Variants in SH3BP5L observed in about 807,000 individuals in gnomAD.
SH3BP5L encodes SH3 domain-binding protein 5-like.
Under a neutral mutation model 40.9 loss-of-function variants are expected in SH3BP5L, and 16 were observed. The ratio of observed to expected loss-of-function variants is 0.39; its 90% CI spans 0.27 to 0.59. SH3BP5L has a LOEUF of 0.59. SH3BP5L is among the 20% of genes least tolerant of loss of function. The pLI is 0.53. For synonymous variants in SH3BP5L, 229 were observed against 226.7 expected, an observed-to-expected ratio of 1.01 and a Z score of -0.09; for missense variants, 471 against 544.6, an observed-to-expected ratio of 0.86 and a Z score of 1.35.
At chr1:248,818,660 G>T (rs567086152) in intron 2 of SH3BP5L, among the ~76,000 whole-genome samples, 2 of 152,340 alleles carry the variant, frequency 1.3e-5, no homozygotes, top group South Asian at 2.1e-4. Context: ...AGAAGCAATA[G>T]AACCATCCAG....
intron 2 of SH3BP5L, chr1:248,820,742 T>C (rs1664237367): frequency 6.6e-6 from 1 of 152,062 alleles, no homozygotes. Context: ...CAACAAACAT[T>C]GATTGTGGGG....
At chr1:248,813,221 C>T in intron 5 of SH3BP5L, 59 bp from the exon 6 acceptor site, 1 of 1,435,640 alleles carries the variant, frequency 7.0e-7, no homozygotes, top group Non-Finnish European at 9.2e-7. Flanking sequence ...GGCATCTGCC[C>T]CAGGCTGCCA....
In SH3BP5L at chr1:248,821,457, A is replaced by C. The variant is rs1664254024; in HGVS notation, c.183+3296T>G. Among the ~76,000 whole-genome samples, 1 of 152,146 alleles carries C rather than the reference A, an allele frequency of 6.6e-6. No individual in the cohort carries two copies. Among genetic ancestry groups the C allele is most frequent in the Non-Finnish European group, 1.5e-5 (1 of 68,024 alleles). ...CCTAGTGCAGACCATCAAAAGACTC[A>C]AACTAATGGTAACTGGGGCCAGGGT... is the stretch of plus-strand genomic sequence containing the variant. On this transcript the variant is annotated intron_variant, in intron 2 of 6. Coordinates refer to ENST00000366472, the MANE Select transcript of SH3BP5L (RefSeq NM_030645.3). The surrounding 1 kb of genome is among the most constrained non-coding windows in gnomAD (Gnocchi z 4.6).
Position 248,811,089 on chromosome 1 carries a change from C to T in SH3BP5L, c.*811G>A, listed in dbSNP as rs1663898247. On this transcript the variant is annotated 3_prime_UTR_variant, in exon 7 of 7. Coordinates refer to ENST00000366472, the MANE Select transcript of SH3BP5L (RefSeq NM_030645.3). The stretch of plus-strand genomic sequence containing the variant: ...CTTCAGGACCTCATGACTTCACCCC[C>T]AACATGGGCCCTCTTAGGGACCCAC... 2 of 152,662 alleles carry T rather than the reference C, an allele frequency of 1.3e-5. No individual in the cohort carries two copies. Among genetic ancestry groups the T allele is most frequent in the Admixed American group, 6.5e-5 (1 of 15,278 alleles). The allele number at this position is 152,662 out of a possible 1,614,324, so 9.5% of individuals were successfully genotyped here. A position where few individuals can be genotyped will look rare whatever the true frequency, so the allele number is the denominator to read the frequency against.
rs1219183946 is a variant in SH3BP5L at position 248,810,631 on chromosome 1, A to G, written c.*1269T>C. 2 of 152,166 alleles carry G rather than the reference A, an allele frequency of 1.3e-5. No individual in the cohort carries two copies. The highest frequency in any genetic ancestry group is 2.1e-4 in the South Asian group (1 of 4,822). 9.4% of individuals were successfully genotyped at this position (152,166 alleles called of 1,614,324 possible). ...CCTCAACCTGTAGACCCCCGTGCAG[A>G]GTCCAGTTGCCCACGCATCCCGGTT... On this transcript the variant is annotated 3_prime_UTR_variant, in exon 7 of 7. Coordinates refer to ENST00000366472, the MANE Select transcript of SH3BP5L (RefSeq NM_030645.3).
At chr1:248,819,468 G>A (rs1022406584) in intron 2 of SH3BP5L, among the ~76,000 whole-genome samples, 13 of 151,752 alleles carry the variant, frequency 8.6e-5, no homozygotes, top group African/African-American at 3.1e-4. Context: ...TCAGGAGGCC[G>A]AGGTGGGAAG....
chr1:248,812,097 C>A lies in SH3BP5L; in HGVS notation c.985G>T (p.Asp329Tyr). Residue 329 changes from aspartate to tyrosine, a missense_variant, in exon 7 of 7, where the codon GAC becomes TAC. Physicochemically the swap from Asp to Tyr is radical, Grantham distance 160. Around this residue, in one of 2 missense-constraint regions of SH3BP5L, gnomAD observed 196 missense variants for 174.6 expected, o/e 1.12. Coordinates refer to ENST00000366472, the MANE Select transcript of SH3BP5L (RefSeq NM_030645.3). This position sits in a 1 kb window ranked among gnomAD's most constrained non-coding sequence, Gnocchi z 6.1. ...CTCAGCAGACTCAGGGTATCGGTGTCGGGGGCGGGGCCGGGCCCCAGGCTG... is the reference window on the plus strand; with the variant it reads ...CTCAGCAGACTCAGGGTATCGGTGTAGGGGGCGGGGCCGGGCCCCAGGCTG... ...GSSLGPGPAP[D>Y]TDTLSLLSLR... 6.2e-7 allele frequency: 1 copy of A among 1,611,438 alleles called. No individual in the cohort carries two copies. Among genetic ancestry groups the A allele is most frequent in the Non-Finnish European group, 8.5e-7 (1 of 1,178,782 alleles).
At chr1:248,816,419 C>T (rs1664105886) in intron 4 of SH3BP5L, 115 bp downstream of exon 4, 1 of 1,411,178 alleles carries the variant, frequency 7.1e-7, no homozygotes, top group East Asian at 2.3e-5. Flanking sequence ...CCAGGTCTAG[C>T]CCAGGGCTCT....
At position 248,817,255 on chromosome 1, in the gene SH3BP5L, G is replaced by A. The variant is rs568066704; in HGVS notation, c.184-371C>T. ...AAACTGAGGGAGTCTCCTTGGACCT[G>A]AAGGCTCGCTCTCTGCGAGAGGATG... On this transcript the variant is annotated intron_variant, in intron 2 of 6. Transcript: ENST00000366472. Among the ~76,000 whole-genome samples the A allele has an allele frequency of 3.3e-5, 5 of 152,324 alleles. No individual in the cohort carries two copies. In the South Asian group the frequency reaches 8.3e-4, roughly 25 times the overall value.
At position 248,811,869 on chromosome 1, in the gene SH3BP5L, C is replaced by T; in HGVS notation, c.*31G>A. On this transcript the variant is annotated 3_prime_UTR_variant, in exon 7 of 7. Transcript: ENST00000366472. Reference sequence around the variant, plus strand: ...GTGGGCCCCAACCGGCCCGTGGTGGCAGATTCAAGCCAGGAACCCTGGCCC... The same window carrying T: ...GTGGGCCCCAACCGGCCCGTGGTGGTAGATTCAAGCCAGGAACCCTGGCCC... 6.9e-7 allele frequency: 1 copy of T among 1,445,238 alleles called. No individual in the cohort carries two copies. The highest frequency in any genetic ancestry group is 9.2e-7 in the Non-Finnish European group (1 of 1,081,954). The allele number at this position is 1,445,238 out of a possible 1,614,324, so 89.5% of individuals were successfully genotyped here. A position where few individuals can be genotyped will look rare whatever the true frequency, so the allele number is the denominator to read the frequency against.
chr1:248,812,118 G>GGCT lies in SH3BP5L; in HGVS notation c.961_963dup (p.Ser321dup), dbSNP rs780507144. Reference sequence around the variant, plus strand: ...GTGTCGGGGGCGGGGCCGGGCCCCAGGCTGCTGCCCTCCTCCAGCCCCGCA... The same window carrying GGCT: ...GTGTCGGGGGCGGGGCCGGGCCCCAGGCTGCTGCTGCCCTCCTCCAGCCCCGCA... On this transcript the variant is annotated inframe_insertion, in exon 7 of 7. Coordinates refer to ENST00000366472, the MANE Select transcript of SH3BP5L (RefSeq NM_030645.3). This position sits in a 1 kb window ranked among gnomAD's most constrained non-coding sequence, Gnocchi z 6.1. The GGCT allele has an allele frequency of 3.1e-6, 5 of 1,609,554 alleles. No individual in the cohort carries two copies. The East Asian group carries it at 8.9e-5, about 29-fold the overall frequency.
chr1:248,812,260 C>T lies in SH3BP5L; in HGVS notation c.822G>A (p.Arg274=), dbSNP rs760925896. The T allele has an allele frequency of 1.2e-6, 2 of 1,611,922 alleles. No homozygotes were observed. Among genetic ancestry groups the T allele is most frequent in the East Asian group, 2.2e-5 (1 of 44,868 alleles). The change falls in exon 7 of 7, where the codon CGG becomes CGA. Residue 274 remains arginine, a synonymous_variant. Coordinates refer to ENST00000366472, the MANE Select transcript of SH3BP5L (RefSeq NM_030645.3). This position sits in a 1 kb window ranked among gnomAD's most constrained non-coding sequence, Gnocchi z 6.1. ...LEQISEQIHA[R]RRGGLPPHPL... ...GGTGGGGAGGCAGACCCCCGCGGCG[C>T]CGTGCGTGAATCTGCTCGCTGATCT...
Position 248,821,021 on chromosome 1 carries a change from A to G in SH3BP5L, c.183+3732T>C, listed in dbSNP as rs1664242691. 6.6e-6 allele frequency: 1 copy of G among 152,232 alleles called. No homozygotes were observed. The highest frequency in any genetic ancestry group is 2.4e-5 in the African/African-American group (1 of 41,452). The allele number at this position is 152,232 out of a possible 1,614,324, so 9.4% of individuals were successfully genotyped here. On this transcript the variant is annotated intron_variant, in intron 2 of 6. Transcript: ENST00000366472. The surrounding 1 kb of genome is among the most constrained non-coding windows in gnomAD (Gnocchi z 4.6). ...GTGGCACCTCCAGCAATTTACAGAA[A>G]GCCATCTGCTGATGGGATCTGTCCC...
chr1:248,817,117 A>G, intron 2 of SH3BP5L: 1 of 1,381,266 alleles, frequency 7.2e-7, no homozygotes, highest in Non-Finnish European at 9.8e-7. Context: ...TTGGGTAGTA[A>G]AACCCCAGTT....
rs540493629 is a variant in SH3BP5L at position 248,812,235 on chromosome 1, G to A, written c.847C>T (p.Pro283Ser). 12 of 1,609,856 alleles carry A rather than the reference G, an allele frequency of 7.5e-6. No homozygotes were observed. Among genetic ancestry groups the A allele is most frequent in the Middle Eastern group, 1.7e-4 (1 of 6,058 alleles). ...ARRRGGLPPH[P>S]LGPRRSSPVG... is the part of the protein sequence containing the mutation. The stretch of plus-strand genomic sequence containing the variant: ...GGGGAGGAGCGCCGAGGGCCCAGGG[G>A]GTGGGGAGGCAGACCCCCGCGGCGC... Residue 283 changes from proline (P) to serine (S), a missense_variant, in exon 7 of 7, where the codon CCC becomes TCC. Pro to Ser is a moderately conservative substitution (Grantham distance 74, BLOSUM62 -1). Coordinates refer to ENST00000366472, the MANE Select transcript of SH3BP5L (RefSeq NM_030645.3). The surrounding 1 kb of genome is among the most constrained non-coding windows in gnomAD (Gnocchi z 6.1).
At chr1:248,816,966 G>C (rs760615022) in intron 2 of SH3BP5L, 82 bp from the exon 3 acceptor site, 2 of 1,607,682 alleles carry the variant, frequency 1.2e-6, no homozygotes, top group Admixed American at 1.7e-5. Context: ...GCAACACAGA[G>C]AGAGAGAGCC....
intron 2 of SH3BP5L, among the ~76,000 whole-genome samples, chr1:248,818,779 T>A (rs1664177201): frequency 6.6e-6 from 1 of 152,188 alleles, no homozygotes; most frequent in African/African-American, 2.4e-5. Flanking sequence ...CTAAGGACAC[T>A]ACTGAGGAGC....
In SH3BP5L at chr1:248,811,120, C is replaced by A. The variant is rs954159617; in HGVS notation, c.*780G>T. The A allele has an allele frequency of 6.5e-6, 1 of 152,736 alleles. No homozygotes were observed. The highest frequency in any genetic ancestry group is 2.4e-5 in the African/African-American group (1 of 41,458). The allele number at this position is 152,736 out of a possible 1,614,324, so 9.5% of individuals were successfully genotyped here. A position where few individuals can be genotyped will look rare whatever the true frequency, so the allele number is the denominator to read the frequency against. On this transcript the variant is annotated 3_prime_UTR_variant, in exon 7 of 7. Coordinates refer to ENST00000366472, the MANE Select transcript of SH3BP5L (RefSeq NM_030645.3). ...GGGCCCTCTTAGGGACCCACTAGCACCTTGGCAATGTTGAGGACCCAGCCC... is the reference window on the plus strand; with the variant it reads ...GGGCCCTCTTAGGGACCCACTAGCAACTTGGCAATGTTGAGGACCCAGCCC...
chr1:248,814,620 G>C lies in SH3BP5L; in HGVS notation c.376-10C>G, dbSNP rs758722323. 1 of 1,614,210 alleles carries C rather than the reference G, an allele frequency of 6.2e-7. No homozygotes were observed. The highest frequency in any genetic ancestry group is 1.1e-5 in the South Asian group (1 of 91,084). ...GTGTCTCCTGCTGAGCCTGGGGGGA[G>C]AGGGATATCAGGATGGGGAACCCTG... is the stretch of plus-strand genomic sequence containing the variant. On this transcript the variant is annotated splice_polypyrimidine_tract_variant and intron_variant, in intron 4 of 6. Coordinates refer to ENST00000366472, the MANE Select transcript of SH3BP5L (RefSeq NM_030645.3).
Sources: allele counts gnomAD v4.1 joint callset (sites outside exome capture counted in the v4.1 genomes callset), GRCh38; gene constraint gnomAD v4.1.1; regional missense constraint gnomAD v4.1.1; non-coding constraint Gnocchi (gnomAD v3.1); transcripts MANE v1.5; gene names NCBI Gene and HGNC (gene_info 2026-07-23, HGNC 2026-07-21).